The following GSG1L2 variants were observed in gnomAD, a reference collection of about 807,000 sequenced individuals.
The protein encoded by GSG1L2 is germ cell-specific gene 1-like protein 2.
In GSG1L2, 15 loss-of-function variants were observed where a neutral mutation model predicts 9.0. The observed-to-expected ratio is 1.67, with a 90% CI of 1.12 to 2.57. The LOEUF is 2.57. GSG1L2 is among the 30% of genes most tolerant of loss of function. The pLI is 0.00. For missense variants in GSG1L2, 286 were observed against 150.3 expected, an observed-to-expected ratio of 1.90 and a Z score of -4.72; for synonymous variants, 127 against 57.9, an observed-to-expected ratio of 2.19 and a Z score of -5.41.
At chr17:9,804,446 G>C (rs1402036056) in intron 4 of GSG1L2, 1 of 152,278 alleles carries the variant, frequency 6.6e-6, no homozygotes, top group Non-Finnish European at 1.5e-5. Flanking sequence ...AGGCAGGGAA[G>C]GGGGCTGGTC....
rs973938833 is a variant in GSG1L2, at chr17:9,809,016, A to G, written c.359-34T>C. ...GAACGGGATGTTGGAAACGCTGGAC[A>G]CTTCTAATTCAGAAATACTAAAATG... is the stretch of plus-strand genomic sequence containing the variant. On this transcript the variant is annotated intron_variant, in intron 2 of 4. Coordinates refer to ENST00000399363, the MANE Select transcript of GSG1L2 (RefSeq NM_001310219.2). 4 of 701,550 alleles carry G rather than the reference A, an allele frequency of 5.7e-6. No individual in the cohort carries two copies. In the African/African-American group the frequency reaches 7.0e-5, roughly 12 times the overall value. 43.5% of individuals were successfully genotyped at this position (701,550 alleles called of 1,614,324 possible).
intron 1 of GSG1L2, among the ~76,000 whole-genome samples, chr17:9,812,925 C>T (rs929578655): frequency 6.6e-6 from 1 of 152,140 alleles, no homozygotes; most frequent in Non-Finnish European, 1.5e-5. Context: ...TTTGTAGTAA[C>T]CTCGCACGGC....
intron 4 of GSG1L2, chr17:9,804,869 C>G (rs921814038): frequency 1.3e-5 from 2 of 152,074 alleles, no homozygotes; most frequent in African/African-American, 4.8e-5. Context: ...CAAAAGAAAA[C>G]AGCAACAAAA....
At chr17:9,816,559 C>T (rs1294240952) in intron 1 of GSG1L2, among the ~76,000 whole-genome samples, 1 of 110,484 alleles carries the variant, frequency 9.1e-6, no homozygotes, top group Admixed American at 9.9e-5. Context: ...TCTGTGTGTG[C>T]ATGCATATCT....
At chr17:9,812,749 T>C (rs1477309949) in intron 1 of GSG1L2, among the ~76,000 whole-genome samples, 2 of 152,138 alleles carry the variant, frequency 1.3e-5, no homozygotes, top group Non-Finnish European at 2.9e-5. Context: ...ACTTCCCAAG[T>C]AGCTGGGACT....
At chr17:9,815,366 A>C (rs560190812) in intron 1 of GSG1L2, among the ~76,000 whole-genome samples, 1 of 152,156 alleles carries the variant, frequency 6.6e-6, no homozygotes, top group African/African-American at 2.4e-5. Context: ...GGTCACTTAC[A>C]TCTCTGGAAC....
At chr17:9,807,794 C>T in intron 3 of GSG1L2, 193 bp from the exon 4 acceptor site, 1 of 540,184 alleles carries the variant, frequency 1.9e-6, no homozygotes, top group Non-Finnish European at 3.4e-6. Context: ...TCCGGAAAGA[C>T]ACAATCGGGG....
chr17:9,814,135 C>A (rs1192937140), intron 1 of GSG1L2, among the ~76,000 whole-genome samples: 1 of 152,158 alleles, frequency 6.6e-6, no homozygotes, highest in East Asian at 1.9e-4. Context: ...AGGGTTTCAC[C>A]ATGTTGGCCA....
intron 1 of GSG1L2, among the ~76,000 whole-genome samples, chr17:9,812,980 CT>C (rs1396785132): frequency 1.3e-5 from 2 of 152,170 alleles, no homozygotes; most frequent in Admixed American, 6.5e-5. Flanking sequence ...TATAAAGGCA[CT>C]AATTCCATAC....
chr17:9,814,629 G>A (rs2066552609), intron 1 of GSG1L2, among the ~76,000 whole-genome samples: 1 of 152,156 alleles, frequency 6.6e-6, no homozygotes, highest in Admixed American at 6.5e-5. Flanking sequence ...TAGAAATGGT[G>A]TTCGTTTTGA....
chr17:9,812,720 A>G (rs1026060855), intron 1 of GSG1L2, among the ~76,000 whole-genome samples: 2 of 152,116 alleles, frequency 1.3e-5, no homozygotes, highest in African/African-American at 2.4e-5. Flanking sequence ...TCCTGGGCTC[A>G]AGTGATCCTC....
At position 9,822,030 on chromosome 17, in the gene GSG1L2, A is replaced by G. The variant is rs8070074; in HGVS notation, c.42T>C (p.Pro14=). 0.18 allele frequency: 125,570 copies of G among 702,174 alleles called. 21,262 individuals carry two copies. Among genetic ancestry groups the G allele is most frequent in the African/African-American group, 0.68 (38,916 of 57,080 alleles). 43.5% of individuals were successfully genotyped at this position (702,174 alleles called of 1,614,324 possible). ...AKQQQALLLL[P]VCLALTFSLT... ...GGGAGAAGGTGAGGGCGAGGCAGAC[A>G]GGGAGGAGGAGCAGCGCCTGCTGCT... Residue 14 remains proline (P), a synonymous_variant, in exon 1 of 5, where the codon CCT becomes CCC. Transcript: ENST00000399363.
chr17:9,811,927 T>C (rs1412391691), intron 1 of GSG1L2, among the ~76,000 whole-genome samples: 2 of 152,092 alleles, frequency 1.3e-5, no homozygotes, highest in Admixed American at 1.3e-4. Context: ...GCAGAGCATG[T>C]TTTTTTCCCA....
rs74901801 is a variant in GSG1L2, at chr17:9,802,622, G to C, written c.646C>G (p.Leu216Val). 0.011 allele frequency: 8,019 copies of C among 702,914 alleles called. 190 individuals are homozygous for C. Among genetic ancestry groups the C allele is most frequent in the South Asian group, 0.046 (3,107 of 67,574 alleles). 43.5% of individuals were successfully genotyped at this position (702,914 alleles called of 1,614,324 possible). The change falls in exon 5 of 5, where the codon CTC becomes GTC. Residue 216 changes from leucine to valine, a missense_variant. Leu to Val is a conservative substitution (Grantham distance 32). Transcript: ENST00000399363. Reference protein sequence around the residue: ...SYCLAWGSFALCLAVSVSAMS... With the variant: ...SYCLAWGSFAVCLAVSVSAMS... ...GCCGAGACCGACACAGCCAGGCAGA[G>C]GGCGAAAGAACCCCAGGCAAGGCTG...
At chr17:9,810,735 T>C (rs996109144) in intron 1 of GSG1L2, 117 bp from the exon 2 acceptor site, 71 of 672,536 alleles carry the variant, frequency 1.1e-4, no homozygotes, top group South Asian at 2.1e-4. Flanking sequence ...ACTGCTTTAC[T>C]GCTCAGGGAC....
Position 9,810,598 on chromosome 17 carries a change from G to A in GSG1L2, c.331C>T (p.Arg111Trp), listed in dbSNP as rs200100988. The A allele has an allele frequency of 1.3e-5, 9 of 702,994 alleles. No homozygotes were observed. Among genetic ancestry groups the A allele is most frequent in the East Asian group, 2.7e-5 (1 of 37,292 alleles). 43.5% of individuals were successfully genotyped at this position (702,994 alleles called of 1,614,324 possible). A position where few individuals can be genotyped will look rare whatever the true frequency, so the allele number is the denominator to read the frequency against. ...TGTTCTTCAGCTGGCACTACACTCC[G>A]GAAACTCCTACACTTTTCATCTGAA... ...NGEDEKCRSFRSVVPAEEQGV... is the reference protein window; with the variant it reads ...NGEDEKCRSFWSVVPAEEQGV... The change falls in exon 2 of 5, where the codon CGG (arginine) becomes TGG (tryptophan). Residue 111 changes from arginine (R) to tryptophan (W), a missense_variant. Physicochemically the swap from Arg to Trp is moderately radical, Grantham distance 101. Transcript: ENST00000399363.
intron 3 of GSG1L2, among the ~76,000 whole-genome samples, chr17:9,808,550 G>A (rs946726882): frequency 6.6e-6 from 1 of 152,172 alleles, no homozygotes; most frequent in African/African-American, 2.4e-5. Flanking sequence ...TTTCAGTGAA[G>A]TGATGTCAGC....
intron 1 of GSG1L2, among the ~76,000 whole-genome samples, chr17:9,811,538 G>A (rs1567710097): frequency 6.6e-6 from 1 of 152,174 alleles, no homozygotes; most frequent in Non-Finnish European, 1.5e-5. Context: ...TTCTGGTTTA[G>A]GGGGTGACAG....
Position 9,807,592 on chromosome 17 carries a change from C to T in GSG1L2, c.521G>A (p.Gly174Asp), listed in dbSNP as rs915059094. 149 of 703,220 alleles carry T rather than the reference C, an allele frequency of 2.1e-4. No homozygotes were observed. The Admixed American group carries it at 2.9e-3, about 14-fold the overall frequency. The allele number at this position is 703,220 out of a possible 1,614,324, so 43.6% of individuals were successfully genotyped here. A position where few individuals can be genotyped will look rare whatever the true frequency, so the allele number is the denominator to read the frequency against. ...TGTGTACATCATGTGGGCCACCATG[C>T]CTAGAAGCCCTGCGCAAGGAAAGCT... ...AIFMVLAGLLGMVAHMMYTTI... is the reference protein window; with the variant it reads ...AIFMVLAGLLDMVAHMMYTTI... Residue 174 changes from glycine (G) to aspartate (D), a missense_variant, in exon 4 of 5, where the codon GGC becomes GAC. Physicochemically the swap from Gly to Asp is moderately conservative, Grantham distance 94. Coordinates refer to ENST00000399363, the MANE Select transcript of GSG1L2 (RefSeq NM_001310219.2).
Sources: gnomAD v4.1 joint callset for allele counts (sites outside exome capture counted in the v4.1 genomes callset) on GRCh38, gnomAD v4.1.1 for gene constraint, MANE v1.5 for transcripts, NCBI Gene and HGNC (gene_info 2026-07-23, HGNC 2026-07-21) for gene names.